Variants in PRKAR1A observed in about 807,000 individuals in gnomAD.
The protein encoded by PRKAR1A is cAMP-dependent protein kinase type I-alpha regulatory subunit.
Under a neutral mutation model 52.0 loss-of-function variants are expected in PRKAR1A, and 3 were observed. That is an observed-to-expected ratio of 0.06 (90% confidence interval 0.03 to 0.15). The LOEUF (loss-of-function observed/expected upper bound fraction) is 0.15. Ranked by LOEUF, PRKAR1A falls within the 10% of genes least tolerant of loss-of-function variation. The pLI is 1.00. For synonymous variants in PRKAR1A, 188 were observed against 168.4 expected, an observed-to-expected ratio of 1.12 and a Z score of -0.90; for missense variants, 240 against 477.4, an observed-to-expected ratio of 0.50 and a Z score of 4.63.
intron 6 of PRKAR1A, 60 bp downstream of exon 6, chr17:68,525,018 C>T (rs1468805296): frequency 2.0e-5 from 28 of 1,369,798 alleles, no homozygotes; most frequent in Middle Eastern, 1.8e-4. Context: ...TGATCGCTTC[C>T]GAGCAATAAG....
At chr17:68,540,504 G>T (rs1173503826) in intron 11 of PRKAR1A, 1 of 477,984 alleles carries the variant, frequency 2.1e-6, no homozygotes, top group East Asian at 6.4e-5. Flanking sequence ...CCTCGCCTGA[G>T]GCCCTCCCTG....
At chr17:68,479,006 G>A in the PRKAR1A span, among the ~76,000 whole-genome samples, 1 of 152,188 alleles carries the variant, frequency 6.6e-6, no homozygotes, top group African/African-American at 2.4e-5. Context: ...GGGATTACAG[G>A]CATAAGCCAC....
At chr17:68,471,756 T>C in the PRKAR1A span, among the ~76,000 whole-genome samples, 4 of 152,248 alleles carry the variant, frequency 2.6e-5, no homozygotes, top group East Asian at 7.7e-4. Flanking sequence ...CCCCCACTTG[T>C]GGGGTTATTC....
chr17:68,524,109 C>T (rs373030787), intron 5 of PRKAR1A, 32 bp downstream of exon 5: 85 of 1,608,902 alleles, frequency 5.3e-5, no homozygotes, highest in Middle Eastern at 3.3e-4. Flanking sequence ...AATATTGTTA[C>T]GGGAGAGGAG....
the PRKAR1A span, among the ~76,000 whole-genome samples, chr17:68,432,310 C>G: frequency 1.3e-5 from 2 of 152,168 alleles, no homozygotes; most frequent in Non-Finnish European, 1.5e-5. Context: ...CGTGGGCTTG[C>G]TTTAATCACA....
At chr17:68,418,023 C>T in the PRKAR1A span, among the ~76,000 whole-genome samples, 2 of 152,076 alleles carry the variant, frequency 1.3e-5, no homozygotes, top group Admixed American at 1.3e-4. Flanking sequence ...AGCCACCACA[C>T]CCGGCTGAGT....
At chr17:68,425,382 C>T in the PRKAR1A span, among the ~76,000 whole-genome samples, 8 of 132,290 alleles carry the variant, frequency 6.0e-5, no homozygotes, top group Non-Finnish European at 9.6e-5. Flanking sequence ...TTTTTCTTTT[C>T]TTTTTTTTTT....
In PRKAR1A at chr17:68,521,499, G is replaced by T. The variant is rs182493713; in HGVS notation, c.178-1257G>T. Among the ~76,000 whole-genome samples, 586 of 152,360 alleles carry T rather than the reference G, an allele frequency of 3.8e-3. 10 individuals carry two copies. The highest frequency in any genetic ancestry group is 0.014 in the African/African-American group (574 of 41,578). The stretch of plus-strand genomic sequence containing the variant: ...GCCACCTTCGGCCTCCCAAAGGGTT[G>T]TGATTATAGGCGTAAGCCACTGTAC... On this transcript the variant is annotated intron_variant, in intron 2 of 10. Transcript: ENST00000589228.
chr17:68,429,864 C>G, the PRKAR1A span: 1 of 1,331,906 alleles, frequency 7.5e-7, no homozygotes, highest in Non-Finnish European at 1.1e-6. Context: ...TCCGGGATTA[C>G]AGATGTAAGC....
At chr17:68,543,920 C>T (rs1320188907) in intron 11 of PRKAR1A, among the ~76,000 whole-genome samples, 1 of 152,182 alleles carries the variant, frequency 6.6e-6, no homozygotes, top group Non-Finnish European at 1.5e-5. Flanking sequence ...AGGAGACAGG[C>T]TTCTTGCAAG....
In PRKAR1A at chr17:68,541,035, G is replaced by GC. The variant is rs950731551; in HGVS notation, c.974-10042dup. The GC allele has an allele frequency of 2.8e-4, 429 of 1,542,798 alleles. 1 individual carries two copies. Among genetic ancestry groups the GC allele is most frequent in the East Asian group, 2.0e-3 (80 of 40,664 alleles). On this transcript the variant is annotated intron_variant, in intron 11 of 11. Coordinates refer to the PRKAR1A transcript ENST00000585981. ...CGGGGGTCTCCCCACACCTCCCCCT[G>GC]CCCCCCCAATCCCTGCCTCCCTGAT... is the stretch of plus-strand genomic sequence containing the variant.
chr17:68,531,776 T>G lies in PRKAR1A; in HGVS notation c.*1327T>G. 9.6e-7 allele frequency: 1 copy of G among 1,040,002 alleles called. No homozygotes were observed. The highest frequency in any genetic ancestry group is 1.2e-6 in the Non-Finnish European group (1 of 855,764). 64.4% of individuals were successfully genotyped at this position (1,040,002 alleles called of 1,614,324 possible). On this transcript the variant is annotated 3_prime_UTR_variant, in exon 11 of 11. Coordinates refer to ENST00000589228, the MANE Select transcript of PRKAR1A (RefSeq NM_002734.5). The stretch of plus-strand genomic sequence containing the variant: ...ACTGTATTTCAGTATTTTCCAGCCT[T>G]ATGTGTTACATTATTCCAATGATAC...
the PRKAR1A span, among the ~76,000 whole-genome samples, chr17:68,483,782 A>T: frequency 6.6e-6 from 1 of 151,682 alleles, no homozygotes; most frequent in African/African-American, 2.4e-5. Context: ...AATTGCTTGA[A>T]CCTGGGAGGT....
the PRKAR1A span, among the ~76,000 whole-genome samples, chr17:68,431,799 G>A: frequency 1.1e-4 from 1 of 9,196 alleles, no homozygotes; most frequent in Admixed American, 1.3e-3. Flanking sequence ...GAACAGCTTG[G>A]AGGTTCTGCT....
At chr17:68,478,606 A>ATGTG in the PRKAR1A span, among the ~76,000 whole-genome samples, 1 of 118,654 alleles carries the variant, frequency 8.4e-6, no homozygotes, top group African/African-American at 3.0e-5. Context: ...CCATTTAGAA[A>ATGTG]TATGTGTGTG....
the PRKAR1A span, chr17:68,457,554 A>T: frequency 3.5e-4 from 50 of 141,178 alleles, no homozygotes; most frequent in East Asian, 2.9e-3. Context: ...CCCCGCCCCT[A>T]CCCCGCCCCG....
the PRKAR1A span, among the ~76,000 whole-genome samples, chr17:68,486,531 T>TCCC: frequency 1.9e-3 from 248 of 129,768 alleles, 2 homozygotes; most frequent in Middle Eastern, 7.8e-3. Context: ...CTTTCTTTCT[T>TCCC]TCTTTCTTTC....
chr17:68,491,842 T>C, the PRKAR1A span, among the ~76,000 whole-genome samples: 1 of 150,654 alleles, frequency 6.6e-6, no homozygotes, highest in South Asian at 2.1e-4. Flanking sequence ...AAGAAGGCCC[T>C]ATGGAGGTGG....
the PRKAR1A span, chr17:68,457,286 C>T: frequency 6.5e-7 from 1 of 1,528,794 alleles, no homozygotes; most frequent in South Asian, 1.2e-5. Context: ...GACGACACCC[C>T]TGGGTCCTGA....
Sources: allele counts gnomAD v4.1 joint callset (sites outside exome capture counted in the v4.1 genomes callset), GRCh38; gene constraint gnomAD v4.1.1; transcripts MANE v1.5; gene names NCBI Gene and HGNC (gene_info 2026-07-23, HGNC 2026-07-21).